The following FOXP1 variants were observed in gnomAD, a reference collection of about 807,000 sequenced individuals.
The protein encoded by FOXP1 is forkhead box protein P1.
FOXP1 carries 15 observed loss-of-function variants against 98.2 expected under a neutral mutation model. The ratio of observed to expected loss-of-function variants is 0.15; its 90% CI spans 0.10 to 0.24. The LOEUF is 0.24. Ranked by LOEUF, FOXP1 falls within the 10% of genes least tolerant of loss-of-function variation. The pLI is 1.00. For synonymous variants in FOXP1, 371 were observed against 314.5 expected, an observed-to-expected ratio of 1.18 and a Z score of -1.90; for missense variants, 633 against 848.5, an observed-to-expected ratio of 0.75 and a Z score of 3.15.
chr3:70,964,187 T>G (rs1180501768), intron 20 of FOXP1, among the ~76,000 whole-genome samples: 1 of 152,354 alleles, frequency 6.6e-6, no homozygotes, highest in East Asian at 1.9e-4. Flanking sequence ...CAACGCATGT[T>G]GACATTTTTG....
chr3:71,372,779 A>T (rs907980541), intron 3 of FOXP1, among the ~76,000 whole-genome samples: 1 of 152,242 alleles, frequency 6.6e-6, no homozygotes, highest in Non-Finnish European at 1.5e-5. Context: ...TAAATGCCAG[A>T]GTGATTTGCA....
chr3:70,968,258 G>C (rs566422967), intron 19 of FOXP1: 5 of 152,018 alleles, frequency 3.3e-5, no homozygotes, highest in Non-Finnish European at 7.4e-5. Flanking sequence ...CCCAGTGCCT[G>C]ATCCGCAAGA....
At chr3:71,075,707 GT>G (rs1295758608) in intron 7 of FOXP1, among the ~76,000 whole-genome samples, 4 of 61,816 alleles carry the variant, frequency 6.5e-5, no homozygotes, top group Non-Finnish European at 9.6e-5. Context: ...GACCCACTGG[GT>G]TTTTTTTGTT....
chr3:71,140,800 G>A (rs1031984487), intron 6 of FOXP1, among the ~76,000 whole-genome samples: 1 of 152,058 alleles, frequency 6.6e-6, no homozygotes, highest in Non-Finnish European at 1.5e-5. Context: ...AGAAAGGAGA[G>A]GCATCTGTCT....
intron 20 of FOXP1, among the ~76,000 whole-genome samples, chr3:70,965,111 G>C (rs957345252): frequency 1.3e-5 from 2 of 152,220 alleles, no homozygotes; most frequent in Non-Finnish European, 2.9e-5. Context: ...TCATCCCACA[G>C]CATCTCCTGC....
intron 3 of FOXP1, among the ~76,000 whole-genome samples, chr3:71,467,915 A>G (rs990348386): frequency 2.6e-5 from 4 of 152,204 alleles, no homozygotes; most frequent in Admixed American, 6.5e-5. Flanking sequence ...AATCCTGACA[A>G]TCTACAAGGT....
At chr3:70,996,916 C>T (rs2041451998) in intron 13 of FOXP1, among the ~76,000 whole-genome samples, 1 of 152,198 alleles carries the variant, frequency 6.6e-6, no homozygotes, top group South Asian at 2.1e-4. Context: ...TACTCTAATA[C>T]AGTGATCATC....
chr3:70,993,128 C>A (rs528832058), intron 13 of FOXP1, among the ~76,000 whole-genome samples: 2 of 152,174 alleles, frequency 1.3e-5, no homozygotes, highest in East Asian at 3.8e-4. Context: ...AAAGTTCGTA[C>A]GGTAATTGAT....
intron 2 of FOXP1, among the ~76,000 whole-genome samples, chr3:71,548,662 G>A (rs1370869118): frequency 2.6e-5 from 4 of 152,104 alleles, no homozygotes; most frequent in African/African-American, 9.7e-5. Context: ...GCCTTCCAAG[G>A]TGCTGAGATT....
intron 2 of FOXP1, among the ~76,000 whole-genome samples, chr3:71,503,858 C>T (rs2041607100): frequency 6.6e-6 from 1 of 152,134 alleles, no homozygotes; most frequent in Admixed American, 6.5e-5. Flanking sequence ...GGGACATGCT[C>T]ATTAGGGGGT....
chr3:71,272,994 C>G (rs2107316958), intron 5 of FOXP1, among the ~76,000 whole-genome samples: 1 of 152,314 alleles, frequency 6.6e-6, no homozygotes, highest in African/African-American at 2.4e-5. Flanking sequence ...AGCCTCCTAA[C>G]TTCTCACTAT....
At chr3:71,173,420 C>CACACACA (rs1553767532) in intron 6 of FOXP1, among the ~76,000 whole-genome samples, 1 of 149,324 alleles carries the variant, frequency 6.7e-6, no homozygotes, top group Admixed American at 6.7e-5. Flanking sequence ...CACACACACA[C>CACACACA]ACTTTTTGCC....
intron 1 of FOXP1, 199 bp downstream of exon 1, chr3:71,583,372 A>C: frequency 1.3e-6 from 1 of 794,816 alleles, no homozygotes; most frequent in Non-Finnish European, 1.5e-6. Context: ...GGGGAGAGGA[A>C]GAGAGGGGAG....
At chr3:71,424,222 T>G (rs185675302) in intron 3 of FOXP1, among the ~76,000 whole-genome samples, 1 of 152,182 alleles carries the variant, frequency 6.6e-6, no homozygotes, top group Non-Finnish European at 1.5e-5. Context: ...GACAATGATT[T>G]TGGCGACCAG....
At chr3:71,361,029 T>C (rs1241569330) in intron 3 of FOXP1, among the ~76,000 whole-genome samples, 1 of 152,204 alleles carries the variant, frequency 6.6e-6, no homozygotes, top group Admixed American at 6.5e-5. Flanking sequence ...GCATAAACTC[T>C]TTGCACATGA....
chr3:70,979,390 C>A (rs1477830955), intron 14 of FOXP1, among the ~76,000 whole-genome samples: 1 of 143,944 alleles, frequency 6.9e-6, no homozygotes, highest in African/African-American at 2.6e-5. Context: ...ACTGTTCTTA[C>A]AAATACTAAA....
At chr3:71,166,464 A>G (rs1459777178) in intron 6 of FOXP1, among the ~76,000 whole-genome samples, 1 of 151,996 alleles carries the variant, frequency 6.6e-6, no homozygotes, top group Non-Finnish European at 1.5e-5. Context: ...TTTGAAAGGC[A>G]CTCCCTGGGA....
chr3:71,328,775 C>T (rs2076080680), intron 4 of FOXP1, among the ~76,000 whole-genome samples: 1 of 151,976 alleles, frequency 6.6e-6, no homozygotes, highest in Non-Finnish European at 1.5e-5. Context: ...GAGTTCAAGA[C>T]CAGCCTGACC....
At position 71,002,706 on chromosome 3, in the gene FOXP1, C is replaced by T. The variant is rs897028451; in HGVS notation, c.975-1647G>A. 9.2e-5 allele frequency among the ~76,000 whole-genome samples: 14 copies of T among 152,144 alleles called. 1 individual carries two copies. Among genetic ancestry groups the T allele is most frequent in the Non-Finnish European group, 1.8e-4 (12 of 68,024 alleles). ...GTCAAGAGATTTGCAAAAGAGCCCACGATCCTCAAAGTGTCAGAACTCGGG... is the reference window on the plus strand; with the variant it reads ...GTCAAGAGATTTGCAAAAGAGCCCATGATCCTCAAAGTGTCAGAACTCGGG... On this transcript the variant is annotated intron_variant, in intron 12 of 20. Transcript: ENST00000649528.
Sources: gnomAD v4.1 joint callset for allele counts (sites outside exome capture counted in the v4.1 genomes callset) on GRCh38, gnomAD v4.1.1 for gene constraint, MANE v1.5 for transcripts, NCBI Gene and HGNC (gene_info 2026-07-23, HGNC 2026-07-21) for gene names.